The following DISC1 variants were observed in gnomAD, a reference collection of about 807,000 sequenced individuals.
DISC1 encodes DISC1 scaffold protein, also known as disrupted in schizophrenia 1 protein.
Under a neutral mutation model 84.5 loss-of-function variants are expected in DISC1, and 57 were observed. That is an observed-to-expected ratio of 0.67 (90% confidence interval 0.55 to 0.84). The LOEUF (loss-of-function observed/expected upper bound fraction) is 0.84, where lower values mean the gene tolerates loss of function less well. DISC1 is among the 40% of genes least tolerant of loss of function. The probability of loss-of-function intolerance (pLI) is 0.00; values close to 1 mark genes in which losing one functional copy is unlikely to be tolerated. For missense variants in DISC1, 1,000 were observed against 1,057.8 expected, an observed-to-expected ratio of 0.95 and a Z score of 0.76; for synonymous variants, 411 against 415.2, an observed-to-expected ratio of 0.99 and a Z score of 0.12.
chr1:231,682,004 T>C (rs1051009249), intron 1 of DISC1, among the ~76,000 whole-genome samples: 1 of 152,168 alleles, frequency 6.6e-6, no homozygotes, highest in Non-Finnish European at 1.5e-5. Flanking sequence ...CCAGCCCATT[T>C]ATTAATTTTT....
chr1:231,895,619 G>C (rs1430903942), intron 9 of DISC1, among the ~76,000 whole-genome samples: 1 of 86,462 alleles, frequency 1.2e-5, no homozygotes, highest in Non-Finnish European at 2.6e-5. Flanking sequence ...TTACCACTGT[G>C]CTAGATTTTT....
chr1:231,771,965 T>A (rs1244143560), intron 6 of DISC1, among the ~76,000 whole-genome samples: 1 of 104,150 alleles, frequency 9.6e-6, no homozygotes, highest in East Asian at 2.6e-4. Context: ...CCTCCACATC[T>A]GGCTATTTTT....
At chr1:231,946,815 G>C (rs1437086244) in intron 9 of DISC1, among the ~76,000 whole-genome samples, 1 of 152,156 alleles carries the variant, frequency 6.6e-6, no homozygotes, top group East Asian at 1.9e-4. Flanking sequence ...ACCAATAACA[G>C]ACAAACAGAG....
chr1:231,877,443 G>C (rs1053163065), intron 9 of DISC1, among the ~76,000 whole-genome samples: 1 of 152,146 alleles, frequency 6.6e-6, no homozygotes, highest in East Asian at 1.9e-4. Context: ...CAAGATACAC[G>C]CATTCAGAAT....
chr1:231,856,452 A>G (rs2125913627), intron 9 of DISC1, among the ~76,000 whole-genome samples: 1 of 152,264 alleles, frequency 6.6e-6, no homozygotes, highest in Middle Eastern at 3.4e-3. Flanking sequence ...AATCTGTCAT[A>G]TTTATTTTAA....
chr1:231,968,368 A>G (rs701161), intron 10 of DISC1, among the ~76,000 whole-genome samples: 62,550 of 151,690 alleles, frequency 0.41, 13,860 homozygotes, highest in African/African-American at 0.6. Context: ...CTGGACCACA[A>G]CATGGGAGGC....
intron 9 of DISC1, among the ~76,000 whole-genome samples, chr1:231,903,503 A>G (rs1368208112): frequency 1.3e-5 from 2 of 152,246 alleles, no homozygotes; most frequent in African/African-American, 2.4e-5. Flanking sequence ...TACAAGTGCT[A>G]GGAAGAAACA....
chr1:231,894,685 T>C (rs944067629), intron 9 of DISC1, among the ~76,000 whole-genome samples: 13 of 151,976 alleles, frequency 8.6e-5, no homozygotes, highest in African/African-American at 2.7e-4. Flanking sequence ...AATTTTGTCT[T>C]TTTACATATC....
chr1:231,801,091 C>T (rs1558568994), intron 8 of DISC1, among the ~76,000 whole-genome samples: 1 of 152,046 alleles, frequency 6.6e-6, no homozygotes, highest in Non-Finnish European at 1.5e-5. Context: ...AGAAGGAATA[C>T]AATAATTGGC....
chr1:231,995,159 T>G (rs1440022080), intron 10 of DISC1, among the ~76,000 whole-genome samples: 1 of 152,060 alleles, frequency 6.6e-6, no homozygotes, highest in East Asian at 1.9e-4. Context: ...CAACATTTTT[T>G]TTTTCTGAAT....
At chr1:231,721,734 G>A (rs1276360416) in intron 3 of DISC1, among the ~76,000 whole-genome samples, 1 of 152,036 alleles carries the variant, frequency 6.6e-6, no homozygotes, top group African/African-American at 2.4e-5. Context: ...TTCATCCAGA[G>A]TACTTTGGTT....
chr1:231,960,873 C>A (rs936920792), intron 10 of DISC1, among the ~76,000 whole-genome samples: 2 of 152,240 alleles, frequency 1.3e-5, no homozygotes, highest in African/African-American at 4.8e-5. Flanking sequence ...GACCAACCAA[C>A]TAGAAATTGG....
intron 3 of DISC1, among the ~76,000 whole-genome samples, chr1:231,711,544 A>G (rs1455206990): frequency 2.1e-5 from 3 of 145,102 alleles, no homozygotes; most frequent in African/African-American, 7.7e-5. Flanking sequence ...TTTTTTTGGT[A>G]TTTTTAATAG....
intron 3 of DISC1, among the ~76,000 whole-genome samples, chr1:231,738,351 A>G (rs1395423785): frequency 6.6e-6 from 1 of 152,184 alleles, no homozygotes; most frequent in South Asian, 2.1e-4. Flanking sequence ...CAGTTGTTGT[A>G]GCTCTTAAGT....
intron 2 of DISC1, among the ~76,000 whole-genome samples, chr1:231,701,011 A>T (rs1438418994): frequency 6.6e-6 from 1 of 152,182 alleles, no homozygotes; most frequent in Non-Finnish European, 1.5e-5. Context: ...TGATTGTATT[A>T]GTCAGTTCTC....
At chr1:231,955,166 T>A (rs1291327319) in intron 9 of DISC1, among the ~76,000 whole-genome samples, 1 of 152,224 alleles carries the variant, frequency 6.6e-6, no homozygotes. Context: ...GCTATCACAA[T>A]ATAAATGGCG....
In DISC1 at chr1:231,732,522, A is replaced by T. The variant is rs564111096; in HGVS notation, c.1118-17404A>T. Among the ~76,000 whole-genome samples, 27 of 152,378 alleles carry T rather than the reference A, an allele frequency of 1.8e-4. No individual in the cohort carries two copies. The South Asian group carries it at 4.3e-3, about 25-fold the overall frequency. On this transcript the variant is annotated intron_variant, in intron 3 of 12. Coordinates refer to ENST00000439617, the MANE Select transcript of DISC1 (RefSeq NM_018662.3). ...AAAATATGTAGGCATTGGGATATAC[A>T]GTATAAATAAAAGAAAAATATCCTT...
At chr1:232,022,870 T>G (rs201124185) in intron 11 of DISC1, among the ~76,000 whole-genome samples, 1 of 152,224 alleles carries the variant, frequency 6.6e-6, no homozygotes, top group South Asian at 2.1e-4. Flanking sequence ...GACCAACAAG[T>G]AGAGGTTCCT....
chr1:231,995,093 T>A (rs537249657), intron 10 of DISC1, among the ~76,000 whole-genome samples: 2 of 152,304 alleles, frequency 1.3e-5, no homozygotes, highest in East Asian at 3.9e-4. Flanking sequence ...ATAGTATTAC[T>A]TTTTCTTTCT....
Sources: gnomAD v4.1 joint callset for allele counts (sites outside exome capture counted in the v4.1 genomes callset) on GRCh38, gnomAD v4.1.1 for gene constraint, MANE v1.5 for transcripts, NCBI Gene and HGNC (gene_info 2026-07-23, HGNC 2026-07-21) for gene names.